Variants in BCR observed in about 807,000 individuals in gnomAD.
BCR encodes BCR activator of RhoGEF and GTPase.
A neutral mutation model predicts 138.6 loss-of-function variants in BCR; 58 were observed. The ratio of observed to expected loss-of-function variants is 0.42; its 90% CI spans 0.34 to 0.52. The LOEUF (loss-of-function observed/expected upper bound fraction) is 0.52. Among genes scored for constraint, BCR ranks in the 20% least tolerant of loss-of-function variants. The pLI is 0.06. For synonymous variants in BCR, 786 were observed against 730.1 expected (o/e 1.08, Z -1.23); for missense variants, 1,599 against 1,727.2 (o/e 0.93, Z 1.32).
intron 16 of BCR, among the ~76,000 whole-genome samples, chr22:23,303,187 G>A (rs1416129080): frequency 6.6e-6 from 1 of 152,072 alleles, no homozygotes; most frequent in Non-Finnish European, 1.5e-5. Flanking sequence ...ACTTATAGAG[G>A]TATGTTTTAT....
intron 8 of BCR, among the ~76,000 whole-genome samples, chr22:23,275,261 G>A (rs1254428561): frequency 6.6e-6 from 1 of 152,260 alleles, no homozygotes; most frequent in Non-Finnish European, 1.5e-5. Context: ...GCTTGTCCAA[G>A]CCCTGGAGCT....
At chr22:23,297,584 G>C (rs914403927) in intron 16 of BCR, among the ~76,000 whole-genome samples, 2 of 151,980 alleles carry the variant, frequency 1.3e-5, no homozygotes, top group African/African-American at 4.8e-5. Context: ...CCCAGCCTAG[G>C]GCATTCCTCC....
intron 1 of BCR, among the ~76,000 whole-genome samples, chr22:23,196,835 G>A: frequency 6.6e-6 from 1 of 152,196 alleles, no homozygotes; most frequent in South Asian, 2.1e-4. Context: ...TGTAAATACA[G>A]ATGAAGCGTC....
chr22:23,199,307 C>T lies in BCR; in HGVS notation c.1279+17068C>T, dbSNP rs777592968. 1.7e-5 allele frequency: 9 copies of T among 518,778 alleles called. No homozygotes were observed. In the East Asian group the frequency reaches 4.4e-4, roughly 25 times the overall value. 32.1% of individuals were successfully genotyped at this position (518,778 alleles called of 1,614,324 possible). A position where few individuals can be genotyped will look rare whatever the true frequency, so the allele number is the denominator to read the frequency against. On this transcript the variant is annotated intron_variant, in intron 1 of 22. Transcript: ENST00000305877. ...GGAATGTCTGAGGAAGCATCGGAGA[C>T]TGGGTCCCGCCATGCCTGTGTCATC...
Position 23,243,982 on chromosome 22 carries a change from C to A in BCR, c.1280-9817C>A, listed in dbSNP as rs998533489. 3.9e-5 allele frequency among the ~76,000 whole-genome samples: 6 copies of A among 152,254 alleles called. 1 individual carries two copies. The highest frequency in any genetic ancestry group is 1.4e-4 in the African/African-American group (6 of 41,564). On this transcript the variant is annotated intron_variant, in intron 1 of 22. Coordinates refer to ENST00000305877, the MANE Select transcript of BCR (RefSeq NM_004327.4). ...ACCTGAGGAGGGGGTTGTGGGAACA[C>A]CCCATCTCCACTCCCAGCTTTAGAG... is the stretch of plus-strand genomic sequence containing the variant.
chr22:23,210,744 AACCT>A (rs1245090081), intron 1 of BCR, among the ~76,000 whole-genome samples: 1 of 152,224 alleles, frequency 6.6e-6, no homozygotes, highest in East Asian at 1.9e-4. Flanking sequence ...TACAGTGTGT[AACCT>A]TTTGGCTCTG....
Position 23,181,118 on chromosome 22 carries a change from GCTTCC to G in BCR, c.159_163del (p.Phe54HisfsTer16). 1 of 1,498,854 alleles carries G rather than the reference GCTTCC, an allele frequency of 6.7e-7. No individual in the cohort carries two copies. The highest frequency in any genetic ancestry group is 9.0e-7 in the Non-Finnish European group (1 of 1,116,014). 92.8% of individuals were successfully genotyped at this position (1,498,854 alleles called of 1,614,324 possible). ...CTGGAGCAGGAGGTGAACCAGGAGC[GCTTCC>G]GCATGATCTACCTGCAGACGTTGCT... On this transcript the variant is annotated frameshift_variant, in exon 1 of 23. Coordinates refer to ENST00000305877, the MANE Select transcript of BCR (RefSeq NM_004327.4). LOFTEE classifies it high-confidence loss of function.
chr22:23,212,489 G>C (rs935188458), intron 1 of BCR, among the ~76,000 whole-genome samples: 8 of 152,250 alleles, frequency 5.3e-5, no homozygotes, highest in Non-Finnish European at 1.5e-5. Flanking sequence ...TGGAGTTGTT[G>C]CTGCATAGGT....
At position 23,285,067 on chromosome 22, in the gene BCR, C is replaced by G. The variant is rs1450022215; in HGVS notation, c.2272C>G (p.Pro758Ala). Residue 758 changes from proline (P) to alanine (A), a missense_variant, in exon 10 of 23, where the codon CCG becomes GCG. This residue lies in a region of BCR where 590 missense variants were observed against 762.4 expected (regional missense o/e 0.77). Coordinates refer to ENST00000305877, the MANE Select transcript of BCR (RefSeq NM_004327.4). ...TQQYDCKWYIPLTDLSFQMVD... is the reference protein window; with the variant it reads ...TQQYDCKWYIALTDLSFQMVD... ...GCAGTATGACTGCAAATGGTACATTCCGCTCACGGATCTCAGCTTCCAGAT... is the reference window on the plus strand; with the variant it reads ...GCAGTATGACTGCAAATGGTACATTGCGCTCACGGATCTCAGCTTCCAGAT... 6.2e-7 allele frequency: 1 copy of G among 1,614,072 alleles called. No individual in the cohort carries two copies. The highest frequency in any genetic ancestry group is 8.5e-7 in the Non-Finnish European group (1 of 1,179,988).
intron 1 of BCR, among the ~76,000 whole-genome samples, chr22:23,202,721 T>TTGTG (rs58577462): frequency 0.025 from 3,542 of 142,802 alleles, 82 homozygotes; most frequent in African/African-American, 0.066. Flanking sequence ...ATTCAATTGT[T>TTGTG]TGTGTGTGTG....
chr22:23,313,245 G>C (rs1260098457), intron 20 of BCR, among the ~76,000 whole-genome samples: 2 of 152,140 alleles, frequency 1.3e-5, no homozygotes, highest in African/African-American at 4.8e-5. Context: ...AGGAGACCAA[G>C]AGGCTGAAAT....
At chr22:23,250,054 A>G (rs1333033181) in intron 1 of BCR, among the ~76,000 whole-genome samples, 1 of 152,218 alleles carries the variant, frequency 6.6e-6, no homozygotes, top group African/African-American at 2.4e-5. Context: ...CAGGCAGGCA[A>G]ACCCTCACCG....
In BCR at chr22:23,181,211, C is replaced by G. The variant is rs2072250201; in HGVS notation, c.251C>G (p.Pro84Arg). Reference protein sequence around the residue: ...RWGFRRAAQAPDGASEPRASA... With the variant: ...RWGFRRAAQARDGASEPRASA... ...GGCTTCCGGCGCGCGGCGCAGGCCCCCGACGGCGCCTCCGAGCCCCGAGCG... is the reference window on the plus strand; with the variant it reads ...GGCTTCCGGCGCGCGGCGCAGGCCCGCGACGGCGCCTCCGAGCCCCGAGCG... Residue 84 changes from proline (P) to arginine (R), a missense_variant, in exon 1 of 23, where the codon CCC (proline) becomes CGC (arginine). Around this residue, in one of 4 missense-constraint regions of BCR, gnomAD observed 806 missense variants for 635.0 expected, o/e 1.27. Coordinates refer to ENST00000305877, the MANE Select transcript of BCR (RefSeq NM_004327.4). The G allele has an allele frequency of 7.9e-7, 1 of 1,265,376 alleles. No individual in the cohort carries two copies. Among genetic ancestry groups the G allele is most frequent in the Non-Finnish European group, 1.0e-6 (1 of 990,510 alleles). The allele number at this position is 1,265,376 out of a possible 1,614,324, so 78.4% of individuals were successfully genotyped here. A position where few individuals can be genotyped will look rare whatever the true frequency, so the allele number is the denominator to read the frequency against.
chr22:23,270,770 G>A (rs1017200850), intron 5 of BCR, among the ~76,000 whole-genome samples: 12 of 152,252 alleles, frequency 7.9e-5, no homozygotes, highest in Admixed American at 6.5e-4. Flanking sequence ...CTCCTTCCCA[G>A]AGGATTTTAG....
chr22:23,203,835 T>G (rs1175595317), intron 1 of BCR, among the ~76,000 whole-genome samples: 1 of 152,242 alleles, frequency 6.6e-6, no homozygotes, highest in Non-Finnish European at 1.5e-5. Flanking sequence ...CATTGTCCAG[T>G]TAATTCTGGC....
In BCR at chr22:23,290,349, T is replaced by A. The variant is rs1198637242; in HGVS notation, c.2718T>A (p.Ser906=). Residue 906 remains serine, a synonymous_variant, in exon 14 of 23, where the codon TCT becomes TCA. Coordinates refer to ENST00000305877, the MANE Select transcript of BCR (RefSeq NM_004327.4). ...PLTINKEDDE[S]PGLYGFLNVI... ...TGATCTCTTGCGCAGATGATGAGTC[T>A]CCGGGGCTCTATGGGTTTCTGAATG... is the stretch of plus-strand genomic sequence containing the variant. 1.2e-6 allele frequency: 2 copies of A among 1,614,086 alleles called. No individual in the cohort carries two copies. Among genetic ancestry groups the A allele is most frequent in the Admixed American group, 3.3e-5 (2 of 60,020 alleles).
intron 1 of BCR, 37 bp downstream of exon 1, chr22:23,182,276 A>C: frequency 6.7e-7 from 1 of 1,496,830 alleles, no homozygotes; most frequent in Non-Finnish European, 8.9e-7. Context: ...GCACACCTGC[A>C]CGGGGGAGGA....
chr22:23,245,746 G>A (rs1299008957), intron 1 of BCR, among the ~76,000 whole-genome samples: 4 of 151,858 alleles, frequency 2.6e-5, no homozygotes, highest in Non-Finnish European at 5.9e-5. Flanking sequence ...CTCAGCCCTC[G>A]GGAAACAGTG....
chr22:23,230,906 A>G (rs1259670204), intron 1 of BCR, among the ~76,000 whole-genome samples: 1 of 152,122 alleles, frequency 6.6e-6, no homozygotes, highest in Non-Finnish European at 1.5e-5. Flanking sequence ...GCGTTCCTTC[A>G]GGGAATGTGG....
Sources: allele counts gnomAD v4.1 joint callset (sites outside exome capture counted in the v4.1 genomes callset), GRCh38; gene constraint gnomAD v4.1.1; regional missense constraint gnomAD v4.1.1; transcripts MANE v1.5; gene names NCBI Gene and HGNC (gene_info 2026-07-23, HGNC 2026-07-21).